NAA35: variants seen among roughly 807,000 people sequenced by gnomAD.
The protein encoded by NAA35 is MAK10 homolog, amino-acid N-acetyltransferase subunit.
Under a neutral mutation model 101.7 loss-of-function variants are expected in NAA35, and 18 were observed. The observed-to-expected ratio is 0.18, with a 90% CI of 0.12 to 0.26. The LOEUF (loss-of-function observed/expected upper bound fraction) is 0.26. Among genes scored for constraint, NAA35 ranks in the 10% least tolerant of loss-of-function variants. NAA35 has a pLI of 1.00. For synonymous variants in NAA35, 267 were observed against 273.1 expected, an observed-to-expected ratio of 0.98 and a Z score of 0.22; for missense variants, 601 against 886.8, an observed-to-expected ratio of 0.68 and a Z score of 4.09.
At chr9:85,991,627 G>A (rs143694059) in intron 11 of NAA35, among the ~76,000 whole-genome samples, 1 of 152,238 alleles carries the variant, frequency 6.6e-6, no homozygotes, top group Non-Finnish European at 1.5e-5. Flanking sequence ...CTTAGATGGG[G>A]TGAGGAGAGC....
intron 14 of NAA35, among the ~76,000 whole-genome samples, chr9:86,009,244 AATGAACCTTCAGCACTTCCCAT>A (rs1219536704): frequency 6.6e-6 from 1 of 152,168 alleles, no homozygotes; most frequent in African/African-American, 2.4e-5. Flanking sequence ...TTAAAGATGT[AATGAACCTTCAGCACTTCCCAT>A]TTCACCAACT....
chr9:85,966,996 A>T (rs1829770176), intron 6 of NAA35, among the ~76,000 whole-genome samples: 1 of 152,102 alleles, frequency 6.6e-6, no homozygotes, highest in Non-Finnish European at 1.5e-5. Flanking sequence ...AGTCATACCT[A>T]CTTGGGAGGC....
intron 17 of NAA35, 97 bp from the exon 18 acceptor site, chr9:86,016,434 TTAAAGACC>T: frequency 2.1e-6 from 2 of 944,794 alleles, no homozygotes; most frequent in Middle Eastern, 5.1e-4. Flanking sequence ...TGATCTGTTT[TTAAAGACC>T]TAAAGCATTA....
intron 10 of NAA35, 44 bp downstream of exon 10, chr9:85,977,490 TG>T (rs1195132100): frequency 7.1e-7 from 1 of 1,417,680 alleles, no homozygotes; most frequent in Middle Eastern, 1.8e-4. Context: ...TTAGTGATTT[TG>T]GCTGGAATTC....
In NAA35 at chr9:85,941,193, G is replaced by GGGC. The variant is rs1351894268; in HGVS notation, c.-76_-74dup. ...GGTCGGGCTGGGCTGAGAGGGGAGGGGGCGGCGGCGGCCGAGGCGGCGTCG... is the reference window on the plus strand; with the variant it reads ...GGTCGGGCTGGGCTGAGAGGGGAGGGGGCGGCGGCGGCGGCCGAGGCGGCGTCG... On this transcript the variant is annotated 5_prime_UTR_variant, in exon 1 of 23. Transcript: ENST00000361671. The GGGC allele has an allele frequency of 1.0e-5, 10 of 986,914 alleles. No homozygotes were observed. Among genetic ancestry groups the GGGC allele is most frequent in the Non-Finnish European group, 1.1e-5 (9 of 830,996 alleles). 61.1% of individuals were successfully genotyped at this position (986,914 alleles called of 1,614,324 possible). A position where few individuals can be genotyped will look rare whatever the true frequency, so the allele number is the denominator to read the frequency against.
chr9:85,957,779 T>A (rs1829339025), intron 3 of NAA35, among the ~76,000 whole-genome samples: 1 of 152,138 alleles, frequency 6.6e-6, no homozygotes, highest in African/African-American at 2.4e-5. Context: ...AGATTGGACA[T>A]TGTGGTTGCA....
At chr9:85,984,144 A>G (rs914763444) in intron 11 of NAA35, among the ~76,000 whole-genome samples, 2 of 152,074 alleles carry the variant, frequency 1.3e-5, no homozygotes, top group African/African-American at 4.8e-5. Context: ...CCTGTACAAC[A>G]TAGCAAGACC....
At chr9:85,976,959 G>A (rs1007708071) in intron 9 of NAA35, among the ~76,000 whole-genome samples, 3 of 152,066 alleles carry the variant, frequency 2.0e-5, no homozygotes, top group Admixed American at 6.6e-5. Context: ...TGTGAGGTAG[G>A]AAGAAAAATA....
chr9:85,952,288 G>GTTTTTTTTT (rs199959174), intron 2 of NAA35, among the ~76,000 whole-genome samples: 1 of 116,800 alleles, frequency 8.6e-6, no homozygotes, highest in Non-Finnish European at 1.9e-5. Context: ...AGTGTTTTTT[G>GTTTTTTTTT]TTTTTTTTTT....
chr9:85,988,861 AAGG>A (rs957882888), intron 11 of NAA35, among the ~76,000 whole-genome samples: 22 of 152,228 alleles, frequency 1.4e-4, no homozygotes, highest in African/African-American at 5.3e-4. Context: ...GAAGTGAGCA[AAGG>A]AGATGTGAAG....
chr9:86,023,963 C>T lies in NAA35; in HGVS notation c.*2003C>T, dbSNP rs1832676590. Among the ~76,000 whole-genome samples, 1 of 152,196 alleles carries T rather than the reference C, an allele frequency of 6.6e-6. No individual in the cohort carries two copies. The highest frequency in any genetic ancestry group is 2.1e-4 in the South Asian group (1 of 4,828). On this transcript the variant is annotated 3_prime_UTR_variant, in exon 23 of 23. Coordinates refer to ENST00000361671, the MANE Select transcript of NAA35 (RefSeq NM_024635.4). ...CCCCCAGAGTAGCTGGGATTATAGG[C>T]AAATGCCTGCTTGGCTAGTTTTTGT... is the stretch of plus-strand genomic sequence containing the variant.
At chr9:85,946,957 CCTTT>C (rs1471206770) in intron 2 of NAA35, among the ~76,000 whole-genome samples, 2 of 152,172 alleles carry the variant, frequency 1.3e-5, no homozygotes, top group Non-Finnish European at 2.9e-5. Flanking sequence ...TGTTGCTCTT[CCTTT>C]CTTTTCTATC....
Position 85,941,172 on chromosome 9 carries a change from G to T in NAA35, c.-107G>T. On this transcript the variant is annotated 5_prime_UTR_variant, in exon 1 of 23. Transcript: ENST00000361671. ...TACGCATGCGTGCACGCTGCCGGTC[G>T]GGCTGGGCTGAGAGGGGAGGGGGCG... The T allele has an allele frequency of 3.0e-6, 3 of 986,270 alleles. No individual in the cohort carries two copies. The highest frequency in any genetic ancestry group is 9.3e-5 in the South Asian group (2 of 21,610). The allele number at this position is 986,270 out of a possible 1,614,324, so 61.1% of individuals were successfully genotyped here.
chr9:85,967,834 G>C (rs1829830853), intron 6 of NAA35, among the ~76,000 whole-genome samples: 1 of 151,820 alleles, frequency 6.6e-6, no homozygotes, highest in Admixed American at 6.6e-5. Flanking sequence ...GCAAATTATT[G>C]ATTTAAATTG....
At chr9:86,001,618 T>TG (rs2118316209) in intron 12 of NAA35, among the ~76,000 whole-genome samples, 1 of 152,340 alleles carries the variant, frequency 6.6e-6, no homozygotes, top group African/African-American at 2.4e-5. Context: ...TTTACCCTTA[T>TG]GTAATACCCT....
chr9:86,003,184 T>A (rs554500440), intron 12 of NAA35, among the ~76,000 whole-genome samples: 1 of 152,300 alleles, frequency 6.6e-6, no homozygotes, highest in East Asian at 1.9e-4. Flanking sequence ...CTCAAAAACC[T>A]GTATCTTTTG....
intron 17 of NAA35, chr9:86,015,672 TA>T: frequency 1.1e-6 from 1 of 873,328 alleles, no homozygotes; most frequent in Non-Finnish European, 1.4e-6. Flanking sequence ...CTCTTAGACA[TA>T]AATGTATATT....
At chr9:86,018,458 G>C (rs137954835) in intron 20 of NAA35, 63 bp downstream of exon 20, 8 of 1,525,540 alleles carry the variant, frequency 5.2e-6, no homozygotes, top group Non-Finnish European at 6.2e-6. Context: ...GAGAGATGCT[G>C]TTTGTACCTA....
intron 17 of NAA35, among the ~76,000 whole-genome samples, chr9:86,014,728 T>C (rs1832117826): frequency 1.3e-5 from 2 of 152,234 alleles, no homozygotes; most frequent in South Asian, 4.1e-4. Flanking sequence ...GATTTTGTTA[T>C]GAGCAGTGAA....
Sources: allele counts gnomAD v4.1 joint callset (sites outside exome capture counted in the v4.1 genomes callset), GRCh38; gene constraint gnomAD v4.1.1; transcripts MANE v1.5; gene names NCBI Gene and HGNC (gene_info 2026-07-23, HGNC 2026-07-21).